Variants in ANKS1A observed in about 807,000 individuals in gnomAD.
The protein encoded by ANKS1A is ankyrin repeat and sterile alpha motif domain containing 1A.
In ANKS1A, 55 loss-of-function variants were observed where a neutral mutation model predicts 120.3. The ratio of observed to expected loss-of-function variants is 0.46; its 90% CI spans 0.37 to 0.57. The LOEUF (loss-of-function observed/expected upper bound fraction) is 0.57. Ranked by LOEUF, ANKS1A falls within the 20% of genes least tolerant of loss-of-function variation. The pLI is 0.00. For missense variants in ANKS1A, 1,123 were observed against 1,480.3 expected, an observed-to-expected ratio of 0.76 and a Z score of 3.96; for synonymous variants, 590 against 604.7, an observed-to-expected ratio of 0.98 and a Z score of 0.36.
intron 1 of ANKS1A, among the ~76,000 whole-genome samples, chr6:34,894,901 A>G (rs1444585764): frequency 6.6e-6 from 1 of 152,348 alleles, no homozygotes; most frequent in South Asian, 2.1e-4. Context: ...AGAGGAAGCC[A>G]AGGAGACTTG....
chr6:34,924,002 A>G (rs1434721312), intron 1 of ANKS1A, among the ~76,000 whole-genome samples: 1 of 152,024 alleles, frequency 6.6e-6, no homozygotes, highest in East Asian at 1.9e-4. Flanking sequence ...AATTAGCTGT[A>G]TGGACAGTGG....
chr6:34,999,276 C>G (rs952281966), intron 10 of ANKS1A, among the ~76,000 whole-genome samples: 5 of 152,166 alleles, frequency 3.3e-5, no homozygotes, highest in African/African-American at 1.2e-4. Context: ...GCCTGATCAC[C>G]CATGGCGTGC....
intron 11 of ANKS1A, among the ~76,000 whole-genome samples, chr6:35,031,569 T>G (rs1774912321): frequency 6.6e-6 from 1 of 152,104 alleles, no homozygotes; most frequent in Non-Finnish European, 1.5e-5. Flanking sequence ...TCGCCAGGGT[T>G]TCCTTCCAAA....
intron 13 of ANKS1A, among the ~76,000 whole-genome samples, chr6:35,065,471 G>T (rs1244419825): frequency 6.6e-6 from 1 of 152,242 alleles, no homozygotes; most frequent in African/African-American, 2.4e-5. Context: ...AGCAGCAGCA[G>T]AGGCGTCTTT....
At chr6:34,920,070 T>C (rs577159073) in intron 1 of ANKS1A, among the ~76,000 whole-genome samples, 1 of 152,264 alleles carries the variant, frequency 6.6e-6, no homozygotes, top group Non-Finnish European at 1.5e-5. Flanking sequence ...TTTTTTGTTG[T>C]TGTTAGTTTT....
At chr6:35,076,877 G>C (rs1325396169) in intron 13 of ANKS1A, among the ~76,000 whole-genome samples, 1 of 152,144 alleles carries the variant, frequency 6.6e-6, no homozygotes, top group Non-Finnish European at 1.5e-5. Flanking sequence ...TGATCCACCT[G>C]CCTCAGCCTC....
intron 1 of ANKS1A, among the ~76,000 whole-genome samples, chr6:34,901,242 G>A (rs1315191547): frequency 2.0e-5 from 3 of 149,894 alleles, no homozygotes; most frequent in Admixed American, 6.6e-5. Context: ...TAAACAATTC[G>A]CTCCCTCATT....
At chr6:35,047,752 C>A (rs531024987) in intron 11 of ANKS1A, among the ~76,000 whole-genome samples, 2 of 152,146 alleles carry the variant, frequency 1.3e-5, no homozygotes, top group Non-Finnish European at 2.9e-5. Context: ...AGTTTCTTGG[C>A]GCTTTGAGTA....
intron 1 of ANKS1A, among the ~76,000 whole-genome samples, chr6:34,910,792 C>A (rs1767871788): frequency 7.0e-6 from 1 of 143,600 alleles, no homozygotes; most frequent in Non-Finnish European, 1.5e-5. Flanking sequence ...ATTCAGGAGG[C>A]AGAGGTTGCA....
intron 10 of ANKS1A, among the ~76,000 whole-genome samples, chr6:35,009,363 G>A (rs1041073132): frequency 6.6e-6 from 1 of 152,156 alleles, no homozygotes; most frequent in African/African-American, 2.4e-5. Context: ...TGATTCTGAG[G>A]TTTGAGCTTG....
chr6:34,892,193 A>G (rs1048943111), intron 1 of ANKS1A, among the ~76,000 whole-genome samples: 2 of 152,190 alleles, frequency 1.3e-5, no homozygotes, highest in Non-Finnish European at 2.9e-5. Flanking sequence ...CCAACCTCTC[A>G]TTCCTGTGAC....
At position 35,085,829 on chromosome 6, in the gene ANKS1A, C is replaced by T. The variant is rs756198860; in HGVS notation, c.3196C>T (p.Leu1066=). 6.2e-7 allele frequency: 1 copy of T among 1,613,624 alleles called. No individual in the cohort carries two copies. Among genetic ancestry groups the T allele is most frequent in the South Asian group, 1.1e-5 (1 of 91,004 alleles). ...QAFEVAYQLA[L]QAQKSRATGA... Reference sequence around the variant, plus strand: ...CTTCGAAGTGGCCTATCAGTTGGCCCTGCAGGCCCAGAAGTCCAGGGCGAC... The same window carrying T: ...CTTCGAAGTGGCCTATCAGTTGGCCTTGCAGGCCCAGAAGTCCAGGGCGAC... The change falls in exon 22 of 24, where the codon CTG becomes TTG. Residue 1066 remains leucine, a synonymous_variant. Coordinates refer to ENST00000360359, the MANE Select transcript of ANKS1A (RefSeq NM_015245.3). This position sits in a 1 kb window ranked among gnomAD's most constrained non-coding sequence, Gnocchi z 4.7.
chr6:35,019,934 A>G (rs1298391491), intron 11 of ANKS1A, among the ~76,000 whole-genome samples: 4 of 152,192 alleles, frequency 2.6e-5, no homozygotes, highest in African/African-American at 9.7e-5. Context: ...TTGACATGGA[A>G]TTAAAAGACT....
chr6:34,972,382 TG>T (rs1771227649), intron 3 of ANKS1A, among the ~76,000 whole-genome samples: 1 of 152,130 alleles, frequency 6.6e-6, no homozygotes, highest in African/African-American at 2.4e-5. Flanking sequence ...ACCATTAATA[TG>T]GTTCCAGTAG....
At chr6:35,010,985 A>G (rs1391274606) in intron 10 of ANKS1A, among the ~76,000 whole-genome samples, 1 of 152,218 alleles carries the variant, frequency 6.6e-6, no homozygotes, top group Non-Finnish European at 1.5e-5. Context: ...TCAAGCTGGC[A>G]TTTGAATTAT....
intron 11 of ANKS1A, among the ~76,000 whole-genome samples, chr6:35,037,302 C>T (rs930911485): frequency 6.6e-6 from 1 of 152,224 alleles, no homozygotes; most frequent in Non-Finnish European, 1.5e-5. Flanking sequence ...GTACATTCTT[C>T]AGACACTCAC....
At chr6:35,045,562 G>A (rs1012229803) in intron 11 of ANKS1A, among the ~76,000 whole-genome samples, 1 of 152,184 alleles carries the variant, frequency 6.6e-6, no homozygotes, top group African/African-American at 2.4e-5. Flanking sequence ...TCTCGATCCA[G>A]TACATTCGAA....
chr6:34,902,903 CAT>C (rs1181714729), intron 1 of ANKS1A, among the ~76,000 whole-genome samples: 2 of 151,442 alleles, frequency 1.3e-5, no homozygotes, highest in African/African-American at 2.4e-5. Context: ...TTCTCTTTAA[CAT>C]ATGTTCTTTT....
intron 13 of ANKS1A, among the ~76,000 whole-genome samples, chr6:35,065,017 T>A (rs1456828076): frequency 2.0e-5 from 3 of 152,132 alleles, no homozygotes; most frequent in Non-Finnish European, 4.4e-5. Flanking sequence ...GGAGGAAGAA[T>A]GTAATTCCTT....
Sources: gnomAD v4.1 joint callset for allele counts (sites outside exome capture counted in the v4.1 genomes callset) on GRCh38, gnomAD v4.1.1 for gene constraint, Gnocchi (gnomAD v3.1) non-coding constraint, MANE v1.5 for transcripts, NCBI Gene and HGNC (gene_info 2026-07-23, HGNC 2026-07-21) for gene names.